CEP290: variants seen among roughly 807,000 people sequenced by gnomAD.
CEP290 encodes centrosomal protein of 290 kDa.
In CEP290, 317 loss-of-function variants were observed where a neutral mutation model predicts 344.9. The ratio of observed to expected loss-of-function variants is 0.92; its 90% CI spans 0.84 to 1.01. The LOEUF (loss-of-function observed/expected upper bound fraction) is 1.01. CEP290 is among the 50% of genes least tolerant of loss of function. The pLI is 0.00. For synonymous variants in CEP290, 932 were observed against 895.8 expected, an observed-to-expected ratio of 1.04 and a Z score of -0.72; for missense variants, 2,754 against 2,761.4, an observed-to-expected ratio of 1.00 and a Z score of 0.06.
chr12:88,092,674 C>T lies in CEP290; in HGVS notation c.3461+7G>A, dbSNP rs1565852636. On this transcript the variant is annotated splice_region_variant and intron_variant, in intron 29 of 53. Transcript: ENST00000552810. ...GTCAAATGGCTAAAATGCTTATATG[C>T]ACTTACTTTGACACTTCAACTTTTA... The T allele has an allele frequency of 6.2e-7, 1 of 1,603,018 alleles. No individual in the cohort carries two copies. Among genetic ancestry groups the T allele is most frequent in the Non-Finnish European group, 8.5e-7 (1 of 1,175,490 alleles).
At chr12:88,085,463 G>C (rs1158704065) in intron 34 of CEP290, among the ~76,000 whole-genome samples, 1 of 151,974 alleles carries the variant, frequency 6.6e-6, no homozygotes, top group Non-Finnish European at 1.5e-5. Flanking sequence ...AAAATGTACA[G>C]TTTTACTTGA....
chr12:88,097,164 A>C (rs1008610061), intron 26 of CEP290, among the ~76,000 whole-genome samples, 165 bp from the exon 27 acceptor site: 1 of 152,136 alleles, frequency 6.6e-6, no homozygotes, highest in African/African-American at 2.4e-5. Flanking sequence ...ATACAAACAC[A>C]TACATATATA....
chr12:88,121,579 A>G (rs945221642), intron 13 of CEP290, among the ~76,000 whole-genome samples: 1 of 151,704 alleles, frequency 6.6e-6, no homozygotes, highest in Admixed American at 6.6e-5. Context: ...CATGTCAGTA[A>G]TGGAATATAA....
intron 41 of CEP290, among the ~76,000 whole-genome samples, chr12:88,074,158 G>A (rs2035589178): frequency 1.3e-5 from 2 of 152,100 alleles, no homozygotes; most frequent in Admixed American, 6.5e-5. Context: ...CCAGGAGGCG[G>A]AGGTTGCAGT....
chr12:88,082,620 G>C lies in CEP290; in HGVS notation c.5012+411C>G, dbSNP rs1330448852. 1.3e-5 allele frequency among the ~76,000 whole-genome samples: 2 copies of C among 151,886 alleles called. 1 individual carries two copies. The highest frequency in any genetic ancestry group is 4.1e-4 in the South Asian group (2 of 4,822). On this transcript the variant is annotated intron_variant, in intron 37 of 53. Coordinates refer to ENST00000552810, the MANE Select transcript of CEP290 (RefSeq NM_025114.4). Reference sequence around the variant, plus strand: ...GAGGTGGGAAGATGGTTTGAGCCTGGAAGGTCAAGGTTGCAGTGAGCTGAG... The same window carrying C: ...GAGGTGGGAAGATGGTTTGAGCCTGCAAGGTCAAGGTTGCAGTGAGCTGAG...
chr12:88,050,460 C>T, intron 52 of CEP290, 27 bp from the exon 53 acceptor site: 5 of 1,185,758 alleles, frequency 4.2e-6, no homozygotes, highest in African/African-American at 1.5e-5. Flanking sequence ...ACAAATTAGA[C>T]TCAGCTTTTT....
At chr12:88,083,366 G>T (rs909304608) in intron 36 of CEP290, 136 bp from the exon 37 acceptor site, 1 of 522,292 alleles carries the variant, frequency 1.9e-6, no homozygotes. Context: ...GGCAATGAAG[G>T]CTTAAAGAAG....
intron 17 of CEP290, among the ~76,000 whole-genome samples, chr12:88,118,157 T>C (rs539882042): frequency 1.3e-5 from 2 of 151,914 alleles, no homozygotes; most frequent in South Asian, 2.1e-4. Context: ...CTAAGTTTTA[T>C]TATTATTAAT....
At chr12:88,080,956 TG>T (rs1223886514) in intron 37 of CEP290, among the ~76,000 whole-genome samples, 1 of 152,248 alleles carries the variant, frequency 6.6e-6, no homozygotes, top group Non-Finnish European at 1.5e-5. Context: ...CAAGTTATTT[TG>T]TGACTCTAGT....
Position 88,126,446 on chromosome 12 carries a change from T to C in CEP290, c.943-8A>G. ...TTTAGAAGACAAAATTAGCTAGAAA[T>C]AAACACAATAGAATCTGTTATGCAA... On this transcript the variant is annotated splice_region_variant and splice_polypyrimidine_tract_variant and intron_variant, in intron 11 of 53. Coordinates refer to ENST00000552810, the MANE Select transcript of CEP290 (RefSeq NM_025114.4). 2.7e-6 allele frequency: 4 copies of C among 1,476,748 alleles called. No individual in the cohort carries two copies. Among genetic ancestry groups the C allele is most frequent in the Non-Finnish European group, 3.6e-6 (4 of 1,107,462 alleles). The allele number at this position is 1,476,748 out of a possible 1,614,324, so 91.5% of individuals were successfully genotyped here. A position where few individuals can be genotyped will look rare whatever the true frequency, so the allele number is the denominator to read the frequency against.
At chr12:88,051,194 C>CT (rs11321423) in intron 52 of CEP290, among the ~76,000 whole-genome samples, 1,029 of 86,390 alleles carry the variant, frequency 0.012, 38 homozygotes, top group African/African-American at 0.037. Context: ...GGACAAGTAT[C>CT]TTTTTTTTTT....
At position 88,092,923 on chromosome 12, in the gene CEP290, T is replaced by A. The variant is rs568143451; in HGVS notation, c.3310-91A>T. 3 of 1,193,962 alleles carry A rather than the reference T, an allele frequency of 2.5e-6. No homozygotes were observed. In the South Asian group the frequency reaches 4.0e-5, roughly 16 times the overall value. 74.0% of individuals were successfully genotyped at this position (1,193,962 alleles called of 1,614,324 possible). A position where few individuals can be genotyped will look rare whatever the true frequency, so the allele number is the denominator to read the frequency against. On this transcript the variant is annotated intron_variant, in intron 28 of 53. Coordinates refer to ENST00000552810, the MANE Select transcript of CEP290 (RefSeq NM_025114.4). ...GCTTTTAAAGTACTGCAATCCTCTT[T>A]ACTTGGCCTTAGTTCACATATTATA... is the stretch of plus-strand genomic sequence containing the variant.
At position 88,130,377 on chromosome 12, in the gene CEP290, A is replaced by G. The variant is rs1452019494; in HGVS notation, c.560T>C (p.Ile187Thr). The change falls in exon 9 of 54, where the codon ATA (isoleucine) becomes ACA (threonine). Residue 187 changes from isoleucine (I) to threonine (T), a missense_variant. Physicochemically the swap from Ile to Thr is moderately conservative, Grantham distance 89. Coordinates refer to ENST00000552810, the MANE Select transcript of CEP290 (RefSeq NM_025114.4). The stretch of plus-strand genomic sequence containing the variant: ...TAAAAGTGTTTCTTTCTGTGAATCT[A>G]TTTGTTTCTGGTAGTCAATAATATC... ...CQDIIDYQKQ[I>T]DSQKETLLSR... 13 of 1,610,270 alleles carry G rather than the reference A, an allele frequency of 8.1e-6. No homozygotes were observed. The highest frequency in any genetic ancestry group is 1.1e-5 in the South Asian group (1 of 90,322).
intron 6 of CEP290, among the ~76,000 whole-genome samples, chr12:88,133,689 T>C (rs893841279): frequency 6.6e-6 from 1 of 152,190 alleles, no homozygotes; most frequent in African/African-American, 2.4e-5. Flanking sequence ...AGTGTGTTTC[T>C]TACAATCTTT....
At chr12:88,098,724 T>C (rs1054067767) in intron 26 of CEP290, among the ~76,000 whole-genome samples, 1 of 152,090 alleles carries the variant, frequency 6.6e-6, no homozygotes, top group Admixed American at 6.6e-5. Context: ...CACCAAATAA[T>C]TGATATTTAA....
intron 35 of CEP290, 150 bp downstream of exon 35, chr12:88,084,436 G>C: frequency 1.4e-6 from 1 of 720,110 alleles, no homozygotes; most frequent in Admixed American, 3.0e-5. Flanking sequence ...TTTACTGACA[G>C]AGGTGTAATC....
At position 88,129,873 on chromosome 12, in the gene CEP290, A is replaced by G; in HGVS notation, c.673T>C (p.Leu225=). The part of the protein sequence containing the change: ...LIQYLDEIQT[L]TEANEKIEVQ... ...TCAATTTTCTCATTAGCTTCTGTTA[A>G]AGTCTAAAAAAGTTAAAGACACTAT... The change falls in exon 10 of 54, where the codon TTA becomes CTA. Residue 225 remains leucine, a synonymous_variant. Coordinates refer to ENST00000552810, the MANE Select transcript of CEP290 (RefSeq NM_025114.4). 7.0e-7 allele frequency: 1 copy of G among 1,432,280 alleles called. No homozygotes were observed. The highest frequency in any genetic ancestry group is 9.2e-7 in the Non-Finnish European group (1 of 1,084,908). 88.7% of individuals were successfully genotyped at this position (1,432,280 alleles called of 1,614,324 possible). A position where few individuals can be genotyped will look rare whatever the true frequency, so the allele number is the denominator to read the frequency against.
chr12:88,051,227 ACT>A (rs1238399597), intron 52 of CEP290, among the ~76,000 whole-genome samples: 2 of 125,546 alleles, frequency 1.6e-5, no homozygotes, highest in Non-Finnish European at 3.2e-5. Flanking sequence ...AGACAGTCTC[ACT>A]CTGTCGCCCA....
chr12:88,085,286 C>T (rs532484398), intron 34 of CEP290, among the ~76,000 whole-genome samples: 32 of 151,864 alleles, frequency 2.1e-4, no homozygotes, highest in Non-Finnish European at 3.8e-4. Context: ...CAATAAATTA[C>T]GAATATAAAA....
Sources: allele counts gnomAD v4.1 joint callset (sites outside exome capture counted in the v4.1 genomes callset), GRCh38; gene constraint gnomAD v4.1.1; transcripts MANE v1.5; gene names NCBI Gene and HGNC (gene_info 2026-07-23, HGNC 2026-07-21).